The following KAZN variants were observed in gnomAD, a reference collection of about 807,000 sequenced individuals.
The protein encoded by KAZN is kazrin, periplakin interacting protein, also known as kazrin.
Under a neutral mutation model 87.4 loss-of-function variants are expected in KAZN, and 40 were observed. The ratio of observed to expected loss-of-function variants is 0.46; its 90% CI spans 0.36 to 0.60. The LOEUF (loss-of-function observed/expected upper bound fraction) is 0.60. KAZN is among the 20% of genes least tolerant of loss of function. The pLI is 0.00. For missense variants in KAZN, 898 were observed against 1,073.9 expected (o/e 0.84, Z 2.29); for synonymous variants, 466 against 458.3 (o/e 1.02, Z -0.22).
In KAZN at chr1:14,376,728, T is replaced by C. The variant is rs981009205; in HGVS notation, c.249+196136T>C. 3.9e-5 allele frequency among the ~76,000 whole-genome samples: 6 copies of C among 152,228 alleles called. No individual in the cohort carries two copies. The East Asian group carries it at 1.2e-3, about 29-fold the overall frequency. On this transcript the variant is annotated intron_variant, in intron 2 of 16. Transcript: ENST00000636203. Reference sequence around the variant, plus strand: ...ACTACATAACCTTGGGCAAATCATATGACCTCTGTGTGCAGTGTGTTATGG... The same window carrying C: ...ACTACATAACCTTGGGCAAATCATACGACCTCTGTGTGCAGTGTGTTATGG...
At chr1:14,812,149 C>G (rs1225218363) in intron 1 of KAZN, among the ~76,000 whole-genome samples, 1 of 152,100 alleles carries the variant, frequency 6.6e-6, no homozygotes, top group East Asian at 1.9e-4. Context: ...ATTGAGGTAG[C>G]ATTGCTTTGA....
Position 13,987,409 on chromosome 1 carries a change from A to G in KAZN, c.91+93653A>G, listed in dbSNP as rs887482502. On this transcript the variant is annotated intron_variant, in intron 1 of 16. Coordinates refer to the KAZN transcript ENST00000636203. ...ATTGTTCAACTCCTACTTATGAGTG[A>G]CAACATGTGGTGTTTGGTTTTCTGT... is the stretch of plus-strand genomic sequence containing the variant. Among the ~76,000 whole-genome samples the G allele has an allele frequency of 9.2e-5, 14 of 152,304 alleles. No homozygotes were observed. The South Asian group carries it at 2.9e-3, about 32-fold the overall frequency.
At chr1:14,396,171 A>AAAG (rs1662883138) in intron 2 of KAZN, among the ~76,000 whole-genome samples, 1 of 151,540 alleles carries the variant, frequency 6.6e-6, no homozygotes, top group Non-Finnish European at 1.5e-5. Context: ...TCCGTCTCAA[A>AAAG]AAAAAAAAAA....
intron 1 of KAZN, among the ~76,000 whole-genome samples, chr1:14,729,830 T>C (rs934436464): frequency 3.3e-5 from 5 of 152,160 alleles, no homozygotes; most frequent in African/African-American, 1.2e-4. Flanking sequence ...TTTTTTTGTT[T>C]GTTTGTTTAC....
intron 1 of KAZN, among the ~76,000 whole-genome samples, chr1:14,103,616 A>C (rs1644306816): frequency 1.3e-5 from 2 of 152,100 alleles, no homozygotes; most frequent in Admixed American, 6.5e-5. Flanking sequence ...CTGGCCAGTG[A>C]GTCCTTCTCA....
intron 2 of KAZN, among the ~76,000 whole-genome samples, chr1:14,218,452 G>A (rs947519618): frequency 2.4e-4 from 37 of 152,240 alleles, no homozygotes; most frequent in African/African-American, 8.7e-4. Context: ...AGGATTCTAG[G>A]TCTGGGCAGA....
intron 8 of KAZN, among the ~76,000 whole-genome samples, chr1:15,093,876 TC>T (rs1435779277): frequency 1.3e-5 from 2 of 152,242 alleles, no homozygotes; most frequent in Non-Finnish European, 2.9e-5. Context: ...GCTTGACTTT[TC>T]CCTTTGGCTT....
At chr1:14,386,925 A>C (rs1202047588) in intron 2 of KAZN, among the ~76,000 whole-genome samples, 1 of 151,792 alleles carries the variant, frequency 6.6e-6, no homozygotes, top group Non-Finnish European at 1.5e-5. Flanking sequence ...ACTTGGTTCC[A>C]TTCTCCCCGT....
chr1:14,718,939 G>A (rs940096694), intron 1 of KAZN, among the ~76,000 whole-genome samples: 4 of 152,166 alleles, frequency 2.6e-5, no homozygotes, highest in Admixed American at 6.5e-5. Context: ...GAGAAGGTAG[G>A]GGGTTTGAGG....
At chr1:14,639,484 G>A (rs1680260603) in intron 1 of KAZN, among the ~76,000 whole-genome samples, 1 of 152,232 alleles carries the variant, frequency 6.6e-6, no homozygotes, top group South Asian at 2.1e-4. Flanking sequence ...ATAGGGCACA[G>A]TGGGGACCAT....
intron 1 of KAZN, among the ~76,000 whole-genome samples, chr1:14,875,503 AAG>A (rs1390810610): frequency 1.3e-5 from 2 of 151,612 alleles, no homozygotes; most frequent in Non-Finnish European, 2.9e-5. Context: ...AAAAAGAAAA[AAG>A]AAAAAAAAAC....
At chr1:14,590,865 G>A (rs913808336) in intron 2 of KAZN, among the ~76,000 whole-genome samples, 7 of 152,168 alleles carry the variant, frequency 4.6e-5, no homozygotes, top group African/African-American at 1.7e-4. Context: ...GAGACAGTAA[G>A]CAACTCATCG....
chr1:14,370,168 GAGA>G (rs1660358583), intron 2 of KAZN, among the ~76,000 whole-genome samples: 1 of 152,186 alleles, frequency 6.6e-6, no homozygotes, highest in African/African-American at 2.4e-5. Context: ...CCAGGAACTA[GAGA>G]AGACCAAGGC....
At chr1:14,783,565 T>C (rs1321100991) in intron 1 of KAZN, among the ~76,000 whole-genome samples, 1 of 152,180 alleles carries the variant, frequency 6.6e-6, no homozygotes, top group Non-Finnish European at 1.5e-5. Context: ...TGAAAAGATA[T>C]GCTCTCTGTC....
chr1:14,886,473 C>CAG (rs374177096), intron 1 of KAZN, among the ~76,000 whole-genome samples: 190 of 149,886 alleles, frequency 1.3e-3, no homozygotes, highest in African/African-American at 4.3e-3. Context: ...CAGAGAGAGA[C>CAG]AGAGAGAGAG....
At position 14,068,243 on chromosome 1, in the gene KAZN, C is replaced by T. The variant is rs75361924; in HGVS notation, c.92-112192C>T. ...ACATTAAACTTAGAGACAAGGGTGTCCCTATCTTGTCCAGTCAATTAATTT... is the reference window on the plus strand; with the variant it reads ...ACATTAAACTTAGAGACAAGGGTGTTCCTATCTTGTCCAGTCAATTAATTT... On this transcript the variant is annotated intron_variant, in intron 1 of 16. Transcript: ENST00000636203. 3.3e-3 allele frequency among the ~76,000 whole-genome samples: 503 copies of T among 152,288 alleles called. 2 individuals carry two copies. Among genetic ancestry groups the T allele is most frequent in the Non-Finnish European group, 5.7e-3 (386 of 68,022 alleles).
chr1:13,939,812 T>C (rs1184420889), intron 1 of KAZN, among the ~76,000 whole-genome samples: 1 of 152,098 alleles, frequency 6.6e-6, no homozygotes, highest in Non-Finnish European at 1.5e-5. Context: ...CTTTCACTTA[T>C]GGCAGCAGGC....
intron 1 of KAZN, among the ~76,000 whole-genome samples, chr1:14,733,111 G>A (rs1488408038): frequency 1.3e-5 from 2 of 152,090 alleles, no homozygotes; most frequent in African/African-American, 2.4e-5. Context: ...AGTGTTTCTC[G>A]GGGATCTGTG....
chr1:15,030,087 C>T (rs886805106), intron 2 of KAZN, among the ~76,000 whole-genome samples: 1 of 152,142 alleles, frequency 6.6e-6, no homozygotes, highest in African/African-American at 2.4e-5. Context: ...TTCGTTTCCC[C>T]CTCTGTGAGA....
Sources: gnomAD v4.1 joint callset for allele counts (sites outside exome capture counted in the v4.1 genomes callset) on GRCh38, gnomAD v4.1.1 for gene constraint, MANE v1.5 for transcripts, NCBI Gene and HGNC (gene_info 2026-07-23, HGNC 2026-07-21) for gene names.